KCNQ5: variants seen among roughly 807,000 people sequenced by gnomAD.
KCNQ5 encodes potassium voltage-gated channel subfamily Q member 5.
In KCNQ5, 30 loss-of-function variants were observed where a neutral mutation model predicts 98.2. That is an observed-to-expected ratio of 0.31 (90% CI 0.23 to 0.41). The LOEUF (loss-of-function observed/expected upper bound fraction) is 0.41. Ranked by LOEUF, KCNQ5 falls within the 10% of genes least tolerant of loss-of-function variation. The probability of loss-of-function intolerance (pLI) is 1.00; values close to 1 mark genes in which losing one functional copy is unlikely to be tolerated. For missense variants in KCNQ5, 835 were observed against 1,182.5 expected, an observed-to-expected ratio of 0.71 and a Z score of 4.31; for synonymous variants, 458 against 449.4, an observed-to-expected ratio of 1.02 and a Z score of -0.24.
At chr6:73,150,383 GGTCGTA>G (rs947537091) in intron 10 of KCNQ5, among the ~76,000 whole-genome samples, 4 of 149,930 alleles carry the variant, frequency 2.7e-5, no homozygotes, top group African/African-American at 9.8e-5. Context: ...ATATATGCAT[GGTCGTA>G]GTAGCTTTCT....
chr6:73,188,541 ATCT>A (rs1765467237), intron 11 of KCNQ5, among the ~76,000 whole-genome samples: 1 of 143,142 alleles, frequency 7.0e-6, no homozygotes, highest in Admixed American at 6.8e-5. Context: ...CAGGTTAGAG[ATCT>A]TCTCTTTATC....
chr6:72,939,702 T>A (rs903518668), intron 1 of KCNQ5, among the ~76,000 whole-genome samples: 1 of 152,176 alleles, frequency 6.6e-6, no homozygotes, highest in Non-Finnish European at 1.5e-5. Context: ...GGCCTTATTA[T>A]CTACTTAAAC....
intron 2 of KCNQ5, among the ~76,000 whole-genome samples, chr6:73,028,234 C>A (rs1480776046): frequency 2.0e-5 from 3 of 152,192 alleles, no homozygotes; most frequent in African/African-American, 7.2e-5. Flanking sequence ...TGGGGCTTCA[C>A]CACGGCAAGA....
intron 1 of KCNQ5, among the ~76,000 whole-genome samples, chr6:72,731,625 G>A (rs1409317364): frequency 6.6e-6 from 1 of 152,142 alleles, no homozygotes; most frequent in African/African-American, 2.4e-5. Flanking sequence ...CAGGCATGAG[G>A]ACAAAGAAAA....
intron 9 of KCNQ5, chr6:73,129,731 C>A (rs1582411464): frequency 5.0e-6 from 7 of 1,413,170 alleles, no homozygotes; most frequent in Non-Finnish European, 6.9e-6. Context: ...AAAAGAATCC[C>A]TGAGCACTTT....
At chr6:72,985,148 G>A (rs1323293587) in intron 1 of KCNQ5, among the ~76,000 whole-genome samples, 2 of 152,204 alleles carry the variant, frequency 1.3e-5, no homozygotes, top group Non-Finnish European at 2.9e-5. Flanking sequence ...CAAGGCTGCA[G>A]TGAGCTATGA....
chr6:73,095,479 T>C (rs114001556), intron 5 of KCNQ5, among the ~76,000 whole-genome samples: 3,240 of 152,248 alleles, frequency 0.021, 108 homozygotes, highest in African/African-American at 0.07. Flanking sequence ...GTGTGATTTT[T>C]TGGGAGTTGT....
chr6:72,728,566 G>A (rs549212999), intron 1 of KCNQ5, among the ~76,000 whole-genome samples: 1 of 152,310 alleles, frequency 6.6e-6, no homozygotes, highest in Admixed American at 6.5e-5. Context: ...AGCAGTCATT[G>A]ATTGGTCCAT....
At chr6:73,165,597 C>T (rs1198293900) in intron 10 of KCNQ5, among the ~76,000 whole-genome samples, 1 of 152,172 alleles carries the variant, frequency 6.6e-6, no homozygotes, top group Non-Finnish European at 1.5e-5. Context: ...AGTGCACCAG[C>T]CCTGTGAAGA....
chr6:72,691,755 A>G (rs1768223775), intron 1 of KCNQ5, among the ~76,000 whole-genome samples: 1 of 152,162 alleles, frequency 6.6e-6, no homozygotes. Context: ...GAAAATTAAC[A>G]TTGTTCACTG....
At chr6:72,648,436 A>T (rs945270114) in intron 1 of KCNQ5, among the ~76,000 whole-genome samples, 1 of 152,198 alleles carries the variant, frequency 6.6e-6, no homozygotes, top group Non-Finnish European at 1.5e-5. Context: ...TTAGAGCTAC[A>T]TGAATCTATA....
chr6:72,856,881 A>G (rs1777555529), intron 1 of KCNQ5, among the ~76,000 whole-genome samples: 1 of 152,230 alleles, frequency 6.6e-6, no homozygotes, highest in South Asian at 2.1e-4. Context: ...GAAGAACCCC[A>G]GACCCTGCCC....
chr6:72,975,384 A>G (rs532367879), intron 1 of KCNQ5, among the ~76,000 whole-genome samples: 7 of 152,038 alleles, frequency 4.6e-5, no homozygotes, highest in Non-Finnish European at 1.0e-4. Flanking sequence ...TTTTGGAGAG[A>G]GGAAGTTTGT....
chr6:73,068,387 G>A (rs912811761), intron 3 of KCNQ5, among the ~76,000 whole-genome samples: 25 of 152,250 alleles, frequency 1.6e-4, no homozygotes, highest in African/African-American at 5.5e-4. Context: ...AAATAATGAT[G>A]TTTAGAAACA....
At chr6:72,725,123 T>C (rs981930052) in intron 1 of KCNQ5, among the ~76,000 whole-genome samples, 1 of 152,158 alleles carries the variant, frequency 6.6e-6, no homozygotes, top group African/African-American at 2.4e-5. Context: ...CCCCAAAATG[T>C]GGTTTCTATA....
At chr6:73,019,008 C>G (rs1044512520) in intron 2 of KCNQ5, among the ~76,000 whole-genome samples, 1 of 152,116 alleles carries the variant, frequency 6.6e-6, no homozygotes, top group Non-Finnish European at 1.5e-5. Flanking sequence ...AGATGATGAA[C>G]AGAAGTAATC....
intron 1 of KCNQ5, among the ~76,000 whole-genome samples, chr6:72,979,549 T>C (rs1266726253): frequency 2.0e-5 from 3 of 152,230 alleles, no homozygotes; most frequent in African/African-American, 7.2e-5. Context: ...TAAATTTGTT[T>C]AAGTTCTTTG....
rs938946977 is a variant in KCNQ5 at position 73,150,720 on chromosome 6, T to A, written c.1468+17079T>A. Among the ~76,000 whole-genome samples, 2 of 151,552 alleles carry A rather than the reference T, an allele frequency of 1.3e-5. 1 individual carries two copies. The highest frequency in any genetic ancestry group is 2.9e-5 in the Non-Finnish European group (2 of 67,910). On this transcript the variant is annotated intron_variant, in intron 10 of 13. Coordinates refer to ENST00000370398, the MANE Select transcript of KCNQ5 (RefSeq NM_019842.4). ...TGATACACACAACAATGCAGCTGAA[T>A]CTTGTGAGAATTATGTTAAGTGAAA...
chr6:72,958,364 A>G (rs966677080), intron 1 of KCNQ5, among the ~76,000 whole-genome samples: 1 of 152,212 alleles, frequency 6.6e-6, no homozygotes, highest in Non-Finnish European at 1.5e-5. Flanking sequence ...GTTGTGTTCA[A>G]TTTATAAACA....
Sources: gnomAD v4.1 joint callset for allele counts (sites outside exome capture counted in the v4.1 genomes callset) on GRCh38, gnomAD v4.1.1 for gene constraint, MANE v1.5 for transcripts, NCBI Gene and HGNC (gene_info 2026-07-23, HGNC 2026-07-21) for gene names.